Variants in KDM4C observed in about 807,000 individuals in gnomAD.
The protein encoded by KDM4C is lysine demethylase 4C.
In KDM4C, 81 loss-of-function variants were observed where a neutral mutation model predicts 129.3. The ratio of observed to expected loss-of-function variants is 0.63; its 90% CI spans 0.52 to 0.75. The LOEUF is 0.75. Ranked by LOEUF, KDM4C falls within the 30% of genes least tolerant of loss-of-function variation. The pLI is 0.00. For missense variants in KDM4C, 1,457 were observed against 1,304.0 expected (o/e 1.12, Z -1.81); for synonymous variants, 573 against 456.1 (o/e 1.26, Z -3.26).
chr9:7,115,905 T>A (rs1448427044), intron 18 of KDM4C, among the ~76,000 whole-genome samples: 1 of 152,224 alleles, frequency 6.6e-6, no homozygotes, highest in Non-Finnish European at 1.5e-5. Flanking sequence ...GTCTTTTCTT[T>A]CCAGGGAAAA....
intron 5 of KDM4C, among the ~76,000 whole-genome samples, chr9:6,873,519 T>C (rs748338399): frequency 7.9e-5 from 12 of 152,252 alleles, no homozygotes; most frequent in Middle Eastern, 3.2e-3. Flanking sequence ...TTCTCTCTTA[T>C]GGATACAATG....
At chr9:7,031,189 G>T (rs1826686129) in intron 15 of KDM4C, among the ~76,000 whole-genome samples, 1 of 150,574 alleles carries the variant, frequency 6.6e-6, no homozygotes, top group Non-Finnish European at 1.5e-5. Context: ...TTGAGATGGA[G>T]TCTGGCTCTG....
intron 4 of KDM4C, among the ~76,000 whole-genome samples, chr9:6,839,879 G>A (rs1836596989): frequency 1.3e-5 from 2 of 151,690 alleles, no homozygotes; most frequent in Admixed American, 1.3e-4. Context: ...CTGCAGCCTG[G>A]GTGACAGAGT....
At chr9:6,792,138 C>G (rs904726128) in intron 1 of KDM4C, among the ~76,000 whole-genome samples, 2 of 152,022 alleles carry the variant, frequency 1.3e-5, no homozygotes, top group Non-Finnish European at 2.9e-5. Flanking sequence ...GTCAGGAGTT[C>G]TAGATCAGCC....
At chr9:6,923,856 C>G (rs965278114) in intron 8 of KDM4C, among the ~76,000 whole-genome samples, 2 of 152,162 alleles carry the variant, frequency 1.3e-5, no homozygotes, top group Non-Finnish European at 2.9e-5. Flanking sequence ...ACCACTGTGT[C>G]TTCAGCACAT....
At chr9:6,955,270 C>G (rs1455249085) in intron 8 of KDM4C, among the ~76,000 whole-genome samples, 1 of 152,180 alleles carries the variant, frequency 6.6e-6, no homozygotes, top group Admixed American at 6.5e-5. Context: ...AAGAGGTAAT[C>G]AGTTCCTTAG....
At chr9:7,113,847 A>G (rs138745332) in intron 18 of KDM4C, among the ~76,000 whole-genome samples, 77 of 152,314 alleles carry the variant, frequency 5.1e-4, no homozygotes, top group Non-Finnish European at 9.4e-4. Flanking sequence ...GGAGAGCATC[A>G]GGAGTTGCCA....
At chr9:6,756,936 T>C (rs1268866303), upstream of KDM4C, among the ~76,000 whole-genome samples, 1 of 152,174 alleles carries the variant, frequency 6.6e-6, no homozygotes, top group African/African-American at 2.4e-5. Context: ...TTCAGCATAT[T>C]AGCCCAACTT....
chr9:6,749,314 T>C (rs1459363296), intron 1 of KDM4C, among the ~76,000 whole-genome samples: 1 of 152,128 alleles, frequency 6.6e-6, no homozygotes. Flanking sequence ...CTACCAAGCC[T>C]GGCCAGGAAT....
intron 8 of KDM4C, among the ~76,000 whole-genome samples, chr9:6,943,469 G>A (rs939507089): frequency 2.0e-5 from 3 of 152,098 alleles, no homozygotes; most frequent in Admixed American, 1.3e-4. Flanking sequence ...GGCACTTCAG[G>A]ACGCCTAGTG....
In KDM4C at chr9:7,031,130, GTTTA is replaced by G. The variant is rs57636781; in HGVS notation, c.2259+15239_2259+15242del. On this transcript the variant is annotated intron_variant, in intron 15 of 21. Coordinates refer to ENST00000381309, the MANE Select transcript of KDM4C (RefSeq NM_015061.6). ...ATTCATTGTGTCCTTTATTTTACTT[GTTTA>G]TTTATTTATTTATTTATTTATTTAT... Among the ~76,000 whole-genome samples, 641 of 141,236 alleles carry G rather than the reference GTTTA, an allele frequency of 4.5e-3. 3 individuals are homozygous for G. Among genetic ancestry groups the G allele is most frequent in the African/African-American group, 6.9e-3 (251 of 36,520 alleles). 92.7% of individuals were successfully genotyped at this position (141,236 alleles called of 152,430 possible).
At chr9:7,151,634 C>A (rs537837839) in intron 19 of KDM4C, among the ~76,000 whole-genome samples, 125 of 152,272 alleles carry the variant, frequency 8.2e-4, no homozygotes, top group African/African-American at 2.9e-3. Flanking sequence ...GTGATAGTGC[C>A]ACTGCAGTCA....
chr9:6,860,163 T>A (rs1840663017), intron 5 of KDM4C, among the ~76,000 whole-genome samples: 1 of 152,164 alleles, frequency 6.6e-6, no homozygotes, highest in Admixed American at 6.5e-5. Context: ...TGTGGCTAGA[T>A]TCTAATCTTG....
intron 5 of KDM4C, among the ~76,000 whole-genome samples, chr9:6,854,533 A>C (rs1052544604): frequency 2.7e-5 from 4 of 145,804 alleles, no homozygotes; most frequent in South Asian, 2.1e-4. Context: ...CTCAAAAAAA[A>C]AAAAAAAAAA....
intron 19 of KDM4C, among the ~76,000 whole-genome samples, chr9:7,157,876 A>G (rs920631621): frequency 1.3e-5 from 2 of 152,198 alleles, no homozygotes; most frequent in Non-Finnish European, 2.9e-5. Context: ...TCATAAAATG[A>G]GTTAGGGAGG....
chr9:7,172,891 C>T lies in KDM4C; in HGVS notation c.2995-1662C>T, dbSNP rs375684147. ...TGTTGATGTCATCAGAAGTCATCCA[C>T]CTCAGTGAAAACAGCTGCCAGTGCA... On this transcript the variant is annotated intron_variant, in intron 21 of 21. Transcript: ENST00000381309. Among the ~76,000 whole-genome samples the T allele has an allele frequency of 2.1e-4, 32 of 152,352 alleles. 1 individual carries two copies. In the South Asian group the frequency reaches 6.6e-3, roughly 32 times the overall value.
chr9:6,913,265 C>G (rs961413269), intron 8 of KDM4C, among the ~76,000 whole-genome samples: 1 of 151,886 alleles, frequency 6.6e-6, no homozygotes, highest in Admixed American at 6.6e-5. Flanking sequence ...ATAAAAAACC[C>G]TTTCATTAAA....
At chr9:6,894,917 C>G (rs1409435565) in intron 8 of KDM4C, among the ~76,000 whole-genome samples, 1 of 152,168 alleles carries the variant, frequency 6.6e-6, no homozygotes. Flanking sequence ...TACCTCTCTA[C>G]CCTATGGGTT....
chr9:7,105,627 C>G (rs1837599283), intron 18 of KDM4C: 1 of 357,678 alleles, frequency 2.8e-6, no homozygotes, highest in Admixed American at 3.4e-5. Flanking sequence ...AGCTCATACT[C>G]TATTATTTGG....
Sources: gnomAD v4.1 joint callset for allele counts (sites outside exome capture counted in the v4.1 genomes callset) on GRCh38, gnomAD v4.1.1 for gene constraint, MANE v1.5 for transcripts, NCBI Gene and HGNC (gene_info 2026-07-23, HGNC 2026-07-21) for gene names.